BCKDHB: variants seen among roughly 807,000 people sequenced by gnomAD.
The protein encoded by BCKDHB is branched chain keto acid dehydrogenase E1 subunit beta, also known as 2-oxoisovalerate dehydrogenase subunit beta, mitochondrial.
BCKDHB carries 41 observed loss-of-function variants against 48.5 expected under a neutral mutation model. The ratio of observed to expected loss-of-function variants is 0.85; its 90% CI spans 0.66 to 1.10. The LOEUF is 1.10. Among genes scored for constraint, BCKDHB ranks in the 50% least tolerant of loss-of-function variants. The pLI is 0.00. For synonymous variants in BCKDHB, 201 were observed against 174.8 expected (o/e 1.15, Z -1.18); for missense variants, 496 against 494.2 (o/e 1.00, Z -0.03).
At chr6:80,134,189 T>C (rs182098241) in intron 3 of BCKDHB, among the ~76,000 whole-genome samples, 1 of 152,222 alleles carries the variant, frequency 6.6e-6, no homozygotes, top group African/African-American at 2.4e-5. Flanking sequence ...GAAATTTAGG[T>C]GAGGAAAGGA....
chr6:80,190,139 AGCTT>A (rs1773825435), intron 6 of BCKDHB, among the ~76,000 whole-genome samples: 1 of 152,158 alleles, frequency 6.6e-6, no homozygotes, highest in African/African-American at 2.4e-5. Flanking sequence ...TGGAATGTAA[AGCTT>A]GATTCGTGTG....
chr6:80,150,763 G>T (rs1771734637), intron 3 of BCKDHB, among the ~76,000 whole-genome samples: 1 of 151,698 alleles, frequency 6.6e-6, no homozygotes, highest in Admixed American at 6.6e-5. Flanking sequence ...CACCATGTTG[G>T]CCACACTGGT....
the BCKDHB span, among the ~76,000 whole-genome samples, chr6:80,404,967 T>G: frequency 6.6e-6 from 1 of 152,160 alleles, no homozygotes. Context: ...CCGTATGATC[T>G]ATTCCAGAGA....
the BCKDHB span, among the ~76,000 whole-genome samples, chr6:80,408,613 A>AT: frequency 2.4e-4 from 37 of 151,744 alleles, no homozygotes; most frequent in African/African-American, 8.5e-4. Flanking sequence ...GAATTTATTC[A>AT]TTTTTTCTAG....
chr6:80,361,784 T>G, the BCKDHB span, among the ~76,000 whole-genome samples: 68 of 152,310 alleles, frequency 4.5e-4, no homozygotes, highest in African/African-American at 1.6e-3. Context: ...AAAGAGGGAT[T>G]GTCACGTTTC....
chr6:80,190,423 A>G (rs1203914679), intron 6 of BCKDHB, among the ~76,000 whole-genome samples: 2 of 152,170 alleles, frequency 1.3e-5, no homozygotes, highest in East Asian at 1.9e-4. Context: ...TCTATCTACT[A>G]TAACAGTGGT....
the BCKDHB span, among the ~76,000 whole-genome samples, chr6:80,458,356 A>C: frequency 6.6e-6 from 1 of 152,364 alleles, no homozygotes; most frequent in Non-Finnish European, 1.5e-5. Flanking sequence ...ATCTGGGCAC[A>C]TGACAGAGGC....
the BCKDHB span, among the ~76,000 whole-genome samples, chr6:80,418,841 G>GT: frequency 1.4e-4 from 22 of 152,314 alleles, no homozygotes; most frequent in African/African-American, 4.3e-4. Flanking sequence ...CTCTCTGTGG[G>GT]TGTTCATCAC....
At chr6:80,108,252 T>C (rs891531219) in intron 1 of BCKDHB, among the ~76,000 whole-genome samples, 12 of 151,570 alleles carry the variant, frequency 7.9e-5, no homozygotes, top group African/African-American at 2.7e-4. Flanking sequence ...TATAATTTAC[T>C]TGGAGGGCGT....
At chr6:80,404,129 T>A in the BCKDHB span, among the ~76,000 whole-genome samples, 4 of 151,978 alleles carry the variant, frequency 2.6e-5, no homozygotes, top group African/African-American at 4.8e-5. Flanking sequence ...CTAATTTTTT[T>A]AAAGAGTTTG....
the BCKDHB span, among the ~76,000 whole-genome samples, chr6:80,412,754 T>A: frequency 6.6e-6 from 1 of 152,202 alleles, no homozygotes; most frequent in Non-Finnish European, 1.5e-5. Flanking sequence ...AAGTCTTTAT[T>A]TCTTCTTAAT....
chr6:80,294,527 G>C (rs1263685625), intron 9 of BCKDHB, among the ~76,000 whole-genome samples: 2 of 152,192 alleles, frequency 1.3e-5, no homozygotes, highest in African/African-American at 4.8e-5. Context: ...CGATGTGCAA[G>C]TAGGAGACAT....
At chr6:80,111,592 A>G (rs1053385206) in intron 1 of BCKDHB, among the ~76,000 whole-genome samples, 1 of 152,214 alleles carries the variant, frequency 6.6e-6, no homozygotes, top group African/African-American at 2.4e-5. Context: ...GGTGTGCTCC[A>G]TCAATTCCTG....
At chr6:80,139,129 C>T (rs537920593) in intron 3 of BCKDHB, among the ~76,000 whole-genome samples, 1,817 of 152,186 alleles carry the variant, frequency 0.012, 39 homozygotes, top group African/African-American at 0.041. Context: ...TCATGTCCTT[C>T]GCCCACTTTT....
intron 9 of BCKDHB, among the ~76,000 whole-genome samples, chr6:80,287,938 C>T (rs2127981395): frequency 6.6e-6 from 1 of 152,236 alleles, no homozygotes; most frequent in East Asian, 1.9e-4. Flanking sequence ...GGTTTCTTTG[C>T]CAGTAGCTAC....
chr6:80,191,103 A>C (rs1229696034), intron 6 of BCKDHB, among the ~76,000 whole-genome samples: 19 of 152,018 alleles, frequency 1.2e-4, no homozygotes, highest in Non-Finnish European at 5.9e-5. Context: ...ACCATTTGTT[A>C]CTCTAGCCCT....
At chr6:80,257,564 G>C (rs1304378485) in intron 8 of BCKDHB, among the ~76,000 whole-genome samples, 2 of 151,986 alleles carry the variant, frequency 1.3e-5, no homozygotes, top group African/African-American at 4.8e-5. Flanking sequence ...AGATAGATGA[G>C]AGGGGATTTA....
the BCKDHB span, among the ~76,000 whole-genome samples, chr6:80,412,556 A>T: frequency 6.6e-6 from 1 of 152,202 alleles, no homozygotes; most frequent in Non-Finnish European, 1.5e-5. Context: ...AGTGATTTAC[A>T]TACTATCATT....
chr6:80,347,496 T>C (rs945294908), downstream of BCKDHB, among the ~76,000 whole-genome samples: 1 of 152,198 alleles, frequency 6.6e-6, no homozygotes, highest in Non-Finnish European at 1.5e-5. Context: ...CACCTTGGCC[T>C]ACAGTGGGTT....
Sources: allele counts gnomAD v4.1 joint callset (sites outside exome capture counted in the v4.1 genomes callset), GRCh38; gene constraint gnomAD v4.1.1; transcripts MANE v1.5; gene names NCBI Gene and HGNC (gene_info 2026-07-23, HGNC 2026-07-21).